The following TGM3 variants were observed in gnomAD, a reference collection of about 807,000 sequenced individuals.
TGM3 encodes the protein protein-glutamine gamma-glutamyltransferase E.
In TGM3, 52 loss-of-function variants were observed where a neutral mutation model predicts 73.8. That is an observed-to-expected ratio of 0.70 (90% confidence interval 0.56 to 0.89). TGM3 has a LOEUF of 0.89. Among genes scored for constraint, TGM3 ranks in the 40% least tolerant of loss-of-function variants. The pLI, the probability that TGM3 is intolerant of heterozygous loss-of-function variation, is 0.00. For missense variants in TGM3, 928 were observed against 909.9 expected, an observed-to-expected ratio of 1.02 and a Z score of -0.26; for synonymous variants, 372 against 354.9, an observed-to-expected ratio of 1.05 and a Z score of -0.54.
chr20:2,334,084 A>G lies in TGM3; in HGVS notation c.1643-1032A>G, dbSNP rs1219833406. On this transcript the variant is annotated intron_variant, in intron 10 of 12. Coordinates refer to ENST00000381458, the MANE Select transcript of TGM3 (RefSeq NM_003245.4). This position sits in a 1 kb window ranked among gnomAD's most constrained non-coding sequence, Gnocchi z 4.0. Reference sequence around the variant, plus strand: ...CTGAGGGAAGGGAGCACCTAAGCCCATCAGGGTAGGGAAAGGGCCCCGCGG... The same window carrying G: ...CTGAGGGAAGGGAGCACCTAAGCCCGTCAGGGTAGGGAAAGGGCCCCGCGG... Among the ~76,000 whole-genome samples the G allele has an allele frequency of 6.6e-6, 1 of 152,236 alleles. No individual in the cohort carries two copies. Among genetic ancestry groups the G allele is most frequent in the Admixed American group, 6.5e-5 (1 of 15,284 alleles).
chr20:2,331,896 A>G, intron 9 of TGM3, 106 bp from the exon 10 acceptor site: 1 of 1,326,732 alleles, frequency 7.5e-7, no homozygotes, highest in Admixed American at 2.4e-5. Context: ...CTAGGGCAGC[A>G]ATGGAGCCAG....
Position 2,317,087 on chromosome 20 carries a change from A to G in TGM3, c.689A>G (p.Asn230Ser). The change falls in exon 6 of 13, where the codon AAT becomes AGT. Residue 230 changes from asparagine (N) to serine (S), a missense_variant. Asn to Ser is a conservative substitution (Grantham distance 46). Transcript: ENST00000381458. The stretch of plus-strand genomic sequence containing the variant: ...GCCCAGATCAATAGCAATGATGACA[A>G]TGGTGTGCTTGCTGGGAATTGGAGC... ...LSAMINSNDD[N>S]GVLAGNWSGT... 6.2e-7 allele frequency: 1 copy of G among 1,613,894 alleles called. No homozygotes were observed. Among genetic ancestry groups the G allele is most frequent in the Non-Finnish European group, 8.5e-7 (1 of 1,180,012 alleles).
At chr20:2,306,621 C>T (rs757500441) in intron 1 of TGM3, among the ~76,000 whole-genome samples, 9 of 151,888 alleles carry the variant, frequency 5.9e-5, no homozygotes, top group Non-Finnish European at 1.2e-4. Flanking sequence ...GGATTACAGG[C>T]GTGCGCCACC....
At chr20:2,323,319 C>T (rs2084271118) in intron 7 of TGM3, among the ~76,000 whole-genome samples, 1 of 152,210 alleles carries the variant, frequency 6.6e-6, no homozygotes. Flanking sequence ...AATGTTTGGT[C>T]ATACTGATTT....
chr20:2,313,164 T>A, intron 5 of TGM3, 138 bp downstream of exon 5: 1 of 1,263,192 alleles, frequency 7.9e-7, no homozygotes, highest in Non-Finnish European at 1.1e-6. Context: ...ACCATCCACA[T>A]TTTACTAACT....
intron 1 of TGM3, among the ~76,000 whole-genome samples, chr20:2,299,993 G>A (rs1420559997): frequency 1.3e-5 from 2 of 152,074 alleles, no homozygotes; most frequent in African/African-American, 4.8e-5. Flanking sequence ...CTACTTGGGA[G>A]GCTGAGGTTA....
chr20:2,329,408 G>A (rs76271721), intron 9 of TGM3, among the ~76,000 whole-genome samples: 2,588 of 152,288 alleles, frequency 0.017, 19 homozygotes, highest in South Asian at 0.033. Flanking sequence ...CACAGTTTTA[G>A]GGTTATGAGA....
At chr20:2,305,806 C>T (rs1245531102) in intron 1 of TGM3, among the ~76,000 whole-genome samples, 2 of 152,198 alleles carry the variant, frequency 1.3e-5, no homozygotes, top group African/African-American at 2.4e-5. Flanking sequence ...GGTTTCTCTA[C>T]ACCTTGGCTT....
intron 1 of TGM3, among the ~76,000 whole-genome samples, chr20:2,297,799 G>A (rs964454376): frequency 4.6e-5 from 7 of 152,212 alleles, no homozygotes; most frequent in Non-Finnish European, 8.8e-5. Context: ...ACACCTAAGG[G>A]AGAAGAGCTG....
chr20:2,308,890 T>C (rs1472800953), intron 1 of TGM3, among the ~76,000 whole-genome samples: 1 of 151,776 alleles, frequency 6.6e-6, no homozygotes, highest in Non-Finnish European at 1.5e-5. Flanking sequence ...TTTTTTTTTT[T>C]TTTTGAGACA....
intron 9 of TGM3, among the ~76,000 whole-genome samples, chr20:2,330,089 C>T (rs1031916109): frequency 6.6e-6 from 1 of 152,138 alleles, no homozygotes; most frequent in African/African-American, 2.4e-5. Flanking sequence ...CAGCAATGCC[C>T]CAGCCCTTAT....
intron 8 of TGM3, among the ~76,000 whole-genome samples, chr20:2,327,236 C>T (rs1439123866): frequency 2.0e-5 from 3 of 151,824 alleles, no homozygotes; most frequent in South Asian, 2.1e-4. Flanking sequence ...TTTGGGAGGC[C>T]GAGGTGGGTG....
Position 2,328,463 on chromosome 20 carries a change from T to C in TGM3, c.1333+98T>C, listed in dbSNP as rs1389976890. Reference sequence around the variant, plus strand: ...AGAAAAGTCCTCACCTCCCCCGCACTGGCAGCCAGTTCTGCCTGAATGATA... The same window carrying C: ...AGAAAAGTCCTCACCTCCCCCGCACCGGCAGCCAGTTCTGCCTGAATGATA... On this transcript the variant is annotated intron_variant, in intron 9 of 12. Coordinates refer to ENST00000381458, the MANE Select transcript of TGM3 (RefSeq NM_003245.4). The surrounding 1 kb of genome is among the most constrained non-coding windows in gnomAD (Gnocchi z 5.2). 4.0e-6 allele frequency: 6 copies of C among 1,503,268 alleles called. No homozygotes were observed. Among genetic ancestry groups the C allele is most frequent in the South Asian group, 3.8e-5 (3 of 78,630 alleles). 93.1% of individuals were successfully genotyped at this position (1,503,268 alleles called of 1,614,324 possible). A position where few individuals can be genotyped will look rare whatever the true frequency, so the allele number is the denominator to read the frequency against.
chr20:2,296,114 T>C, intron 1 of TGM3, 44 bp downstream of exon 1: 3 of 1,549,244 alleles, frequency 1.9e-6, no homozygotes, highest in Non-Finnish European at 2.6e-6. Flanking sequence ...GCCAGAAGCC[T>C]GTGCTTCCCC....
chr20:2,325,235 G>A (rs1386213118), intron 7 of TGM3, among the ~76,000 whole-genome samples: 1 of 152,236 alleles, frequency 6.6e-6, no homozygotes, highest in Non-Finnish European at 1.5e-5. Context: ...GACAGAATGA[G>A]TAAGACCTTG....
intron 12 of TGM3, among the ~76,000 whole-genome samples, 172 bp downstream of exon 12, chr20:2,340,159 CTT>C (rs1170394757): frequency 1.3e-5 from 2 of 152,176 alleles, no homozygotes; most frequent in African/African-American, 4.8e-5. Context: ...GTTCACCAAA[CTT>C]GAACTCCTGA....
chr20:2,340,402 G>T, intron 12 of TGM3, 32 bp from the exon 13 acceptor site: 1 of 1,613,260 alleles, frequency 6.2e-7, no homozygotes, highest in Non-Finnish European at 8.5e-7. Context: ...CGTGTGTCTC[G>T]TATCAACACT....
chr20:2,328,185 G>C lies in TGM3; in HGVS notation c.1153G>C (p.Asp385His). 6.2e-7 allele frequency: 1 copy of C among 1,614,144 alleles called. No homozygotes were observed. Among genetic ancestry groups the C allele is most frequent in the Non-Finnish European group, 8.5e-7 (1 of 1,180,036 alleles). ...VREGDVQLNF[D>H]MPFIFAEVNA... is the part of the protein sequence containing the mutation. ...AGAGGGTGATGTGCAGCTGAACTTCGACATGCCCTTTATCTTCGCGGAGGT... is the reference window on the plus strand; with the variant it reads ...AGAGGGTGATGTGCAGCTGAACTTCCACATGCCCTTTATCTTCGCGGAGGT... The change falls in exon 9 of 13, where the codon GAC becomes CAC. Residue 385 changes from aspartate to histidine, a missense_variant. Coordinates refer to ENST00000381458, the MANE Select transcript of TGM3 (RefSeq NM_003245.4). The surrounding 1 kb of genome is among the most constrained non-coding windows in gnomAD (Gnocchi z 5.2).
chr20:2,303,587 T>C (rs2084163223), intron 1 of TGM3, among the ~76,000 whole-genome samples: 1 of 151,762 alleles, frequency 6.6e-6, no homozygotes, highest in South Asian at 2.1e-4. Context: ...AAAGAGAGAG[T>C]TCCTGGAAGT....
Sources: gnomAD v4.1 joint callset for allele counts (sites outside exome capture counted in the v4.1 genomes callset) on GRCh38, gnomAD v4.1.1 for gene constraint, Gnocchi (gnomAD v3.1) non-coding constraint, MANE v1.5 for transcripts, NCBI Gene and HGNC (gene_info 2026-07-23, HGNC 2026-07-21) for gene names.